Variants in ANO1 observed in about 807,000 individuals in gnomAD.
ANO1 encodes anoctamin 1.
In ANO1, 59 loss-of-function variants were observed where a neutral mutation model predicts 124.0. The ratio of observed to expected loss-of-function variants is 0.48; its 90% confidence interval spans 0.39 to 0.59. ANO1 has a LOEUF of 0.59. Ranked by LOEUF, ANO1 falls within the 20% of genes least tolerant of loss-of-function variation. The pLI is 0.00. For missense variants in ANO1, 1,059 were observed against 1,328.0 expected (o/e 0.80, Z 3.15); for synonymous variants, 529 against 532.0 (o/e 0.99, Z 0.08).
At chr11:69,997,853 C>T (rs185939676) in intron 1 of ANO1, among the ~76,000 whole-genome samples, 1 of 152,160 alleles carries the variant, frequency 6.6e-6, no homozygotes, top group African/African-American at 2.4e-5. Flanking sequence ...TGCCTTCCGC[C>T]GTGAGTAAAA....
chr11:70,145,945 A>G lies in ANO1; in HGVS notation c.1259-3765A>G, dbSNP rs1388771304. ...GAGAGAGACTCCTTCTCAAAAAACA[A>G]AAAAAAAAAAAAAAAAAAAAGAAAG... On this transcript the variant is annotated intron_variant, in intron 11 of 25. Transcript: ENST00000355303. Among the ~76,000 whole-genome samples, 3 of 32,434 alleles carry G rather than the reference A, an allele frequency of 9.2e-5. No homozygotes were observed. The East Asian group carries it at 3.1e-3, about 34-fold the overall frequency. 21.3% of individuals were successfully genotyped at this position (32,434 alleles called of 152,430 possible). A position where few individuals can be genotyped will look rare whatever the true frequency, so the allele number is the denominator to read the frequency against.
In ANO1 at chr11:70,182,555, C is replaced by T. The variant is rs2048968148; in HGVS notation, c.2457C>T (p.Tyr819=). The change falls in exon 24 of 26, where the codon TAC becomes TAT. Residue 819 remains tyrosine (Y), a synonymous_variant. Transcript: ENST00000355303. The part of the protein sequence containing the change: ...SDFIPRLVYL[Y]MYSKNGTMHG... ...TCATCCCGCGCCTGGTGTACCTCTA[C>T]ATGTACAGTAAGAACGGGACCATGC... 1.2e-6 allele frequency: 2 copies of T among 1,613,068 alleles called. No homozygotes were observed. Among genetic ancestry groups the T allele is most frequent in the Non-Finnish European group, 1.7e-6 (2 of 1,179,464 alleles).
chr11:70,059,223 C>T (rs61886440), intron 1 of ANO1, among the ~76,000 whole-genome samples: 1,998 of 151,330 alleles, frequency 0.013, 17 homozygotes, highest in Non-Finnish European at 0.016. Flanking sequence ...TGGTGGCAGG[C>T]GCCTGTAGTC....
intron 9 of ANO1, 138 bp from the exon 10 acceptor site, chr11:70,125,923 G>A: frequency 9.5e-7 from 1 of 1,057,066 alleles, no homozygotes; most frequent in Non-Finnish European, 1.4e-6. Context: ...GGCGGCCCAG[G>A]ACCCCACTCT....
intron 25 of ANO1, 126 bp downstream of exon 25, chr11:70,185,821 G>C (rs1022122000): frequency 9.4e-7 from 1 of 1,063,264 alleles, no homozygotes; most frequent in East Asian, 2.6e-5. Context: ...GAGGCTTGGA[G>C]AACTTGCTCT....
At chr11:70,177,594 C>CTTTTTTTTTTTTTTTTTTTTTTTTTT (rs57647858) in intron 22 of ANO1, among the ~76,000 whole-genome samples, 1 of 78,930 alleles carries the variant, frequency 1.3e-5, no homozygotes, top group Non-Finnish European at 2.2e-5. Flanking sequence ...TTTTTTTTTT[C>CTTTTTTTTTTTTTTTTTTTTTTTTTT]TTTTTTTTTT....
chr11:70,023,292 A>G (rs1856838076), intron 1 of ANO1, among the ~76,000 whole-genome samples: 1 of 152,164 alleles, frequency 6.6e-6, no homozygotes, highest in South Asian at 2.1e-4. Context: ...ACCTTTCCGC[A>G]TTGACTCCAT....
chr11:70,031,676 T>C (rs1293199329), intron 1 of ANO1, among the ~76,000 whole-genome samples: 1 of 152,158 alleles, frequency 6.6e-6, no homozygotes, highest in East Asian at 1.9e-4. Context: ...ATGAGCAGGA[T>C]AGTCTCCAAA....
chr11:70,089,731 G>C (rs1192495369), intron 2 of ANO1, among the ~76,000 whole-genome samples: 10 of 152,206 alleles, frequency 6.6e-5, no homozygotes, highest in African/African-American at 1.2e-4. Flanking sequence ...ACAGTGTCCT[G>C]CCCGACTTTG....
chr11:69,987,534 G>A (rs569514569), intron 1 of ANO1, among the ~76,000 whole-genome samples: 19 of 148,700 alleles, frequency 1.3e-4, no homozygotes, highest in Admixed American at 6.1e-4. Flanking sequence ...CAGGAGGATC[G>A]CTTGAGCCCG....
At chr11:70,078,258 C>A (rs2044090288), upstream of ANO1, 1 of 153,224 alleles carries the variant, frequency 6.5e-6, no homozygotes, top group South Asian at 2.1e-4. Flanking sequence ...GCGCGGCCAC[C>A]GCCCCTGCCA....
chr11:70,158,242 C>T (rs957097594), intron 16 of ANO1, among the ~76,000 whole-genome samples: 6 of 152,208 alleles, frequency 3.9e-5, no homozygotes, highest in African/African-American at 1.4e-4. Flanking sequence ...CCAATGGATT[C>T]GGCCTTGGCC....
At chr11:69,993,307 T>C (rs185178923) in intron 1 of ANO1, among the ~76,000 whole-genome samples, 88 of 152,378 alleles carry the variant, frequency 5.8e-4, no homozygotes, top group Admixed American at 5.2e-3. Flanking sequence ...GATTTTTTAA[T>C]GCATTTACAT....
intron 1 of ANO1, among the ~76,000 whole-genome samples, chr11:70,084,314 C>T (rs1449188347): frequency 6.6e-6 from 1 of 152,180 alleles, no homozygotes; most frequent in Admixed American, 6.5e-5. Context: ...TCACCAGCTC[C>T]CTGTAACCCT....
In ANO1 at chr11:70,085,575, A is replaced by C. The variant is rs370174873; in HGVS notation, c.109-2177A>C. The C allele has an allele frequency of 1.8e-5, 28 of 1,535,926 alleles. 1 individual carries two copies. The highest frequency in any genetic ancestry group is 1.8e-4 in the African/African-American group (13 of 73,156). On this transcript the variant is annotated intron_variant, in intron 1 of 25. Coordinates refer to ENST00000355303, the MANE Select transcript of ANO1 (RefSeq NM_018043.7). ...ATGCTGTTTCCAGGAGAGGCATCCT[A>C]GGGCCAGAGAGGCCAAGGTGCCAGG...
At chr11:70,182,369 G>A (rs995221620) in intron 23 of ANO1, 133 bp from the exon 24 acceptor site, 11 of 664,760 alleles carry the variant, frequency 1.7e-5, no homozygotes, top group Non-Finnish European at 2.3e-5. Flanking sequence ...GAGGCTGTGC[G>A]GCTATGGTCC....
intron 1 of ANO1, among the ~76,000 whole-genome samples, chr11:69,993,974 C>A (rs1237709340): frequency 6.6e-6 from 1 of 152,032 alleles, no homozygotes; most frequent in Non-Finnish European, 1.5e-5. Flanking sequence ...TGGGCACTCA[C>A]GCATCTGCCC....
intron 1 of ANO1, among the ~76,000 whole-genome samples, chr11:70,034,605 C>T (rs1454873271): frequency 1.3e-5 from 2 of 152,174 alleles, no homozygotes; most frequent in Non-Finnish European, 1.5e-5. Flanking sequence ...GTTGTAGCCG[C>T]AAGCTTGGAT....
chr11:70,140,760 A>C lies in ANO1; in HGVS notation c.1258+8681A>C, dbSNP rs2047125636. ...ACTATATTTTGTGAGAATCAATATT[A>C]TTATCTCTAAAGCGAAATTAGGAAT... On this transcript the variant is annotated intron_variant, in intron 11 of 25. Coordinates refer to ENST00000355303, the MANE Select transcript of ANO1 (RefSeq NM_018043.7). Among the ~76,000 whole-genome samples the C allele has an allele frequency of 2.0e-5, 3 of 152,214 alleles. 1 individual carries two copies. The South Asian group carries it at 6.2e-4, about 32-fold the overall frequency.
Sources: allele counts gnomAD v4.1 joint callset (sites outside exome capture counted in the v4.1 genomes callset), GRCh38; gene constraint gnomAD v4.1.1; transcripts MANE v1.5; gene names NCBI Gene and HGNC (gene_info 2026-07-23, HGNC 2026-07-21).